The following EPB41L4A variants were observed in gnomAD, a reference collection of about 807,000 sequenced individuals.
EPB41L4A encodes the protein erythrocyte membrane protein band 4.1 like 4A.
EPB41L4A carries 100 observed loss-of-function variants against 108.6 expected under a neutral mutation model. The observed-to-expected ratio is 0.92, with a 90% CI of 0.78 to 1.09. The LOEUF (loss-of-function observed/expected upper bound fraction) is 1.09, where lower values mean the gene tolerates loss of function less well. EPB41L4A is among the 50% of genes least tolerant of loss of function. The pLI is 0.00. For synonymous variants in EPB41L4A, 319 were observed against 289.0 expected (o/e 1.10, Z -1.05); for missense variants, 1,030 against 842.7 (o/e 1.22, Z -2.75).
At chr5:112,190,233 A>T (rs1761627970) in intron 17 of EPB41L4A, among the ~76,000 whole-genome samples, 1 of 152,198 alleles carries the variant, frequency 6.6e-6, no homozygotes, top group Admixed American at 6.5e-5. Context: ...CCTACCAGTG[A>T]ATTGAAACAC....
At chr5:112,274,127 A>C (rs904266598) in intron 4 of EPB41L4A, among the ~76,000 whole-genome samples, 1 of 151,802 alleles carries the variant, frequency 6.6e-6, no homozygotes, top group South Asian at 2.1e-4. Flanking sequence ...AAAAAAAAAA[A>C]GTATTAGCTA....
At chr5:112,236,529 T>C (rs1420392391) in intron 11 of EPB41L4A, among the ~76,000 whole-genome samples, 1 of 152,236 alleles carries the variant, frequency 6.6e-6, no homozygotes, top group African/African-American at 2.4e-5. Flanking sequence ...TAGCATCCTA[T>C]TTCCTTGTAG....
At chr5:112,364,449 C>T (rs185936024) in intron 1 of EPB41L4A, among the ~76,000 whole-genome samples, 20 of 152,274 alleles carry the variant, frequency 1.3e-4, no homozygotes, top group East Asian at 9.6e-4. Context: ...ATTAATTTCT[C>T]GCCAGTAATA....
rs189457349 is a variant in EPB41L4A at position 112,237,455 on chromosome 5, T to G, written c.965+2205A>C. Among the ~76,000 whole-genome samples, 142 of 152,232 alleles carry G rather than the reference T, an allele frequency of 9.3e-4. 2 individuals carry two copies. In the Middle Eastern group the frequency reaches 0.014, roughly 15 times the overall value. ...AACTCTTGTCTTCCTCCATCACATATATGTATGGTGCACAACCACAAAGAC... is the reference window on the plus strand; with the variant it reads ...AACTCTTGTCTTCCTCCATCACATAGATGTATGGTGCACAACCACAAAGAC... On this transcript the variant is annotated intron_variant, in intron 11 of 22. Transcript: ENST00000261486.
At chr5:112,392,947 T>G (rs185474514) in intron 1 of EPB41L4A, among the ~76,000 whole-genome samples, 5 of 152,108 alleles carry the variant, frequency 3.3e-5, no homozygotes, top group Non-Finnish European at 5.9e-5. Flanking sequence ...CACTCAAAAC[T>G]GCTCAACTAC....
At chr5:112,267,096 A>C (rs1751917075) in intron 4 of EPB41L4A, among the ~76,000 whole-genome samples, 1 of 152,192 alleles carries the variant, frequency 6.6e-6, no homozygotes, top group Non-Finnish European at 1.5e-5. Context: ...TGTAACTTTG[A>C]TTAGTTTTAT....
chr5:112,351,525 T>C (rs1247838026), intron 1 of EPB41L4A, among the ~76,000 whole-genome samples: 1 of 152,130 alleles, frequency 6.6e-6, no homozygotes, highest in African/African-American at 2.4e-5. Context: ...TACTGCCAAA[T>C]TCTAATAAGC....
chr5:112,307,416 C>T lies in EPB41L4A; in HGVS notation c.174G>A (p.Gly58=). The T allele has an allele frequency of 3.1e-6, 5 of 1,613,036 alleles. No homozygotes were observed. In the Admixed American group the frequency reaches 5.0e-5, roughly 16 times the overall value. The part of the protein sequence containing the change: ...HVNLVEIDYF[G]LRYCDRSHQT... ...GATGGCTTCTGTCACAGTAACGTAG[C>T]CCAAAATAATCTATCTCCACAAGGT... Residue 58 remains glycine, a synonymous_variant, in exon 2 of 23, where the codon GGG becomes GGA. Transcript: ENST00000261486.
At chr5:112,298,509 C>A (rs1163131794) in intron 2 of EPB41L4A, among the ~76,000 whole-genome samples, 1 of 152,150 alleles carries the variant, frequency 6.6e-6, no homozygotes, top group African/African-American at 2.4e-5. Flanking sequence ...GTATGTTAAA[C>A]CATCCCTGCA....
chr5:112,344,140 G>GT (rs1354861241), intron 1 of EPB41L4A, among the ~76,000 whole-genome samples: 2 of 151,962 alleles, frequency 1.3e-5, no homozygotes, highest in Non-Finnish European at 1.5e-5. Flanking sequence ...TAGGATTATG[G>GT]TTTTTTAAAA....
chr5:112,268,160 T>C (rs899923663), intron 4 of EPB41L4A, among the ~76,000 whole-genome samples: 1 of 152,206 alleles, frequency 6.6e-6, no homozygotes, highest in African/African-American at 2.4e-5. Context: ...GGCAGGTGGA[T>C]CACCTGAGAT....
chr5:112,328,694 T>C (rs971475276), intron 1 of EPB41L4A, among the ~76,000 whole-genome samples: 1 of 152,218 alleles, frequency 6.6e-6, no homozygotes. Context: ...AATCAGATTT[T>C]AACGTTGACA....
chr5:112,351,918 G>A (rs1561597499), intron 1 of EPB41L4A, among the ~76,000 whole-genome samples: 1 of 152,190 alleles, frequency 6.6e-6, no homozygotes, highest in Non-Finnish European at 1.5e-5. Context: ...CTTGGTAGAT[G>A]CAGAGAAAGC....
chr5:112,314,433 C>T (rs1755273257), intron 1 of EPB41L4A, among the ~76,000 whole-genome samples: 1 of 139,782 alleles, frequency 7.2e-6, no homozygotes, highest in Non-Finnish European at 1.5e-5. Context: ...TTTGGGACGT[C>T]GAGGCGGGTG....
At chr5:112,202,458 C>A (rs1762265289) in intron 15 of EPB41L4A, among the ~76,000 whole-genome samples, 1 of 152,220 alleles carries the variant, frequency 6.6e-6, no homozygotes. Context: ...CTTAATCCCC[C>A]TCTGCTAGAA....
chr5:112,215,553 G>A (rs939789089), intron 12 of EPB41L4A, among the ~76,000 whole-genome samples: 1 of 152,068 alleles, frequency 6.6e-6, no homozygotes, highest in Non-Finnish European at 1.5e-5. Flanking sequence ...ATGAGGTCAG[G>A]AGATCGAGAC....
chr5:112,231,088 T>C (rs1185261684), intron 12 of EPB41L4A, among the ~76,000 whole-genome samples: 1 of 152,220 alleles, frequency 6.6e-6, no homozygotes, highest in African/African-American at 2.4e-5. Context: ...CTTAAAGATA[T>C]CACTACAAGA....
At chr5:112,279,971 T>A (rs954740269) in intron 3 of EPB41L4A, among the ~76,000 whole-genome samples, 1 of 66,324 alleles carries the variant, frequency 1.5e-5, no homozygotes, top group Non-Finnish European at 3.1e-5. Context: ...CTATTTGCCT[T>A]TTTTGTTTTA....
intron 1 of EPB41L4A, among the ~76,000 whole-genome samples, chr5:112,308,173 A>G (rs1233942525): frequency 6.6e-6 from 1 of 152,196 alleles, no homozygotes; most frequent in African/African-American, 2.4e-5. Context: ...ATCATCTGAC[A>G]TACTAAAAAT....
Sources: gnomAD v4.1 joint callset for allele counts (sites outside exome capture counted in the v4.1 genomes callset) on GRCh38, gnomAD v4.1.1 for gene constraint, MANE v1.5 for transcripts, NCBI Gene and HGNC (gene_info 2026-07-23, HGNC 2026-07-21) for gene names.